The following SLC9A3 variants were observed in gnomAD, a reference collection of about 807,000 sequenced individuals.
The protein encoded by SLC9A3 is sodium/hydrogen exchanger 3.
In SLC9A3, 37 loss-of-function variants were observed where a neutral mutation model predicts 86.8. The observed-to-expected ratio is 0.43, with a 90% CI of 0.33 to 0.56. The LOEUF (loss-of-function observed/expected upper bound fraction) is 0.56, where lower values mean the gene tolerates loss of function less well. Ranked by LOEUF, SLC9A3 falls within the 20% of genes least tolerant of loss-of-function variation. The pLI is 0.06. For synonymous variants in SLC9A3, 581 were observed against 528.3 expected (o/e 1.10, Z -1.37); for missense variants, 1,011 against 1,171.9 (o/e 0.86, Z 2.00).
chr5:523,976 GACCCGA>G (rs1733959680), intron 1 of SLC9A3, 130 bp downstream of exon 1: 1 of 476,702 alleles, frequency 2.1e-6, no homozygotes, highest in South Asian at 5.9e-5. Context: ...CGCTCTGCTG[GACCCGA>G]GAGCCGGACT....
At chr5:506,891 CAA>C (rs1740605693) in intron 1 of SLC9A3, among the ~76,000 whole-genome samples, 2 of 5,438 alleles carry the variant, frequency 3.7e-4, no homozygotes, top group African/African-American at 8.7e-4. Flanking sequence ...TATGGAGAAA[CAA>C]AACAAAAAAA....
chr5:480,035 G>A (rs1739061735), intron 9 of SLC9A3, 70 bp from the exon 10 acceptor site: 11 of 1,548,684 alleles, frequency 7.1e-6, no homozygotes, highest in South Asian at 3.5e-5. Flanking sequence ...CGCGTGGCCC[G>A]GCCCCTTCTC....
chr5:485,929 G>A (rs1739441532), intron 3 of SLC9A3, among the ~76,000 whole-genome samples: 1 of 152,192 alleles, frequency 6.6e-6, no homozygotes, highest in Admixed American at 6.5e-5. Context: ...AATCCAGCTG[G>A]GAGGGAAGAC....
chr5:481,388 T>A (rs1430117497), intron 9 of SLC9A3, among the ~76,000 whole-genome samples, 177 bp downstream of exon 9: 2 of 152,120 alleles, frequency 1.3e-5, no homozygotes, highest in African/African-American at 4.8e-5. Flanking sequence ...CCAACTCCTT[T>A]CCGCAGCACC....
chr5:477,205 C>T (rs892206109), intron 11 of SLC9A3, 127 bp downstream of exon 11: 7 of 640,590 alleles, frequency 1.1e-5, no homozygotes, highest in African/African-American at 1.8e-5. Context: ...CACCCACCCC[C>T]TCTTTCTGCA....
intron 1 of SLC9A3, among the ~76,000 whole-genome samples, 164 bp downstream of exon 1, chr5:523,948 A>G (rs1733958764): frequency 6.6e-6 from 1 of 152,038 alleles, no homozygotes; most frequent in African/African-American, 2.4e-5. Flanking sequence ...TAGCGCGGCC[A>G]GAGTCGCTCC....
chr5:475,227 AGTTAGGGTCACCGG>A lies in SLC9A3; in HGVS notation c.2252-109_2252-96del, dbSNP rs1487569847. ...CCGTCACCTGCTGGGTGCCTTGGAA[AGTTAGGGTCACCGG>A]GAAGGTTAGGGTCACGTGCCTTTCA... is the stretch of plus-strand genomic sequence containing the variant. On this transcript the variant is annotated intron_variant, in intron 15 of 16. Transcript: ENST00000264938. 4.4e-5 allele frequency: 32 copies of A among 721,894 alleles called. No homozygotes were observed. In the South Asian group the frequency reaches 4.8e-4, roughly 11 times the overall value. 44.7% of individuals were successfully genotyped at this position (721,894 alleles called of 1,614,324 possible).
At chr5:492,830 C>T (rs1004405191) in intron 1 of SLC9A3, among the ~76,000 whole-genome samples, 10 of 152,180 alleles carry the variant, frequency 6.6e-5, no homozygotes, top group African/African-American at 1.7e-4. Flanking sequence ...CAGACCCCTC[C>T]GGAGGGGCCC....
chr5:483,131 A>G, intron 6 of SLC9A3, 131 bp downstream of exon 6: 2 of 722,330 alleles, frequency 2.8e-6, no homozygotes, highest in Admixed American at 3.0e-5. Context: ...GGCCGCCACC[A>G]TCAGGTCCTC....
chr5:477,799 C>CTGT, intron 10 of SLC9A3: 1 of 209,862 alleles, frequency 4.8e-6, no homozygotes. Flanking sequence ...GGTCTCTGTC[C>CTGT]CTGCAGGAGA....
In SLC9A3 at chr5:491,713, C is replaced by T. The variant is rs558463239; in HGVS notation, c.514+56G>A. ...CGACCTTTCTGAGATGAGGCAGCGC[C>T]GCCCCTCCCGGACCCCACCCTGATC... On this transcript the variant is annotated intron_variant, in intron 2 of 16. Transcript: ENST00000264938. This position sits in a 1 kb window ranked among gnomAD's most constrained non-coding sequence, Gnocchi z 9.2. The T allele has an allele frequency of 3.3e-4, 468 of 1,431,888 alleles. 2 individuals carry two copies. In the East Asian group the frequency reaches 7.9e-3, roughly 24 times the overall value. 88.7% of individuals were successfully genotyped at this position (1,431,888 alleles called of 1,614,324 possible).
intron 3 of SLC9A3, among the ~76,000 whole-genome samples, chr5:485,727 G>A (rs184993938): frequency 2.6e-5 from 4 of 152,386 alleles, no homozygotes; most frequent in Admixed American, 2.0e-4. Flanking sequence ...GCCGAGGGCC[G>A]TCCTGGGTGG....
At chr5:503,204 G>A (rs541599347) in intron 1 of SLC9A3, among the ~76,000 whole-genome samples, 16 of 152,282 alleles carry the variant, frequency 1.1e-4, no homozygotes, top group East Asian at 5.8e-4. Context: ...TCATCCCATC[G>A]GAAGACCAAG....
intron 1 of SLC9A3, among the ~76,000 whole-genome samples, chr5:507,389 T>C: frequency 6.6e-6 from 1 of 150,602 alleles, no homozygotes; most frequent in Non-Finnish European, 1.5e-5. Context: ...TCTTAAATAG[T>C]GTCTAGCTCT....
chr5:517,954 C>T (rs1404526334), intron 1 of SLC9A3, among the ~76,000 whole-genome samples: 1 of 152,110 alleles, frequency 6.6e-6, no homozygotes, highest in African/African-American at 2.4e-5. Flanking sequence ...CTCATCCACC[C>T]TTCCATCCAT....
chr5:514,165 A>T (rs972382650), intron 1 of SLC9A3, among the ~76,000 whole-genome samples: 1 of 152,238 alleles, frequency 6.6e-6, no homozygotes, highest in Admixed American at 6.5e-5. Flanking sequence ...GAACCTTCAG[A>T]TCTTGAGAAA....
At chr5:504,242 C>A (rs1382518775) in intron 1 of SLC9A3, among the ~76,000 whole-genome samples, 1 of 152,120 alleles carries the variant, frequency 6.6e-6, no homozygotes, top group Non-Finnish European at 1.5e-5. Context: ...GCTCCGGAAC[C>A]CCCGGGAACC....
At chr5:514,908 C>T (rs1000092921) in intron 1 of SLC9A3, among the ~76,000 whole-genome samples, 1 of 152,164 alleles carries the variant, frequency 6.6e-6, no homozygotes, top group African/African-American at 2.4e-5. Flanking sequence ...TGCCCTAGCC[C>T]TGCACAGTCC....
At position 524,146 on chromosome 5, in the gene SLC9A3, C is replaced by G; in HGVS notation, c.177G>C (p.Ala59=). The change falls in exon 1 of 17, where the codon GCG becomes GCC. Residue 59 remains alanine, a synonymous_variant. Transcript: ENST00000264938. ...WAHVQDPYVI[A]LWILVASLAK... Reference sequence around the variant, plus strand: ...CCAAGCTGGCCACGAGGATCCAGAGCGCGATGACGTAGGGATCCTGCACGT... The same window carrying G: ...CCAAGCTGGCCACGAGGATCCAGAGGGCGATGACGTAGGGATCCTGCACGT... 1 of 1,539,912 alleles carries G rather than the reference C, an allele frequency of 6.5e-7. No homozygotes were observed. Among genetic ancestry groups the G allele is most frequent in the African/African-American group, 1.4e-5 (1 of 70,514 alleles).
Sources: gnomAD v4.1 joint callset for allele counts (sites outside exome capture counted in the v4.1 genomes callset) on GRCh38, gnomAD v4.1.1 for gene constraint, Gnocchi (gnomAD v3.1) non-coding constraint, MANE v1.5 for transcripts, NCBI Gene and HGNC (gene_info 2026-07-23, HGNC 2026-07-21) for gene names.